The following RIMS4 variants were observed in gnomAD, a reference collection of about 807,000 sequenced individuals.
The protein encoded by RIMS4 is regulating synaptic membrane exocytosis protein 4.
Under a neutral mutation model 29.0 loss-of-function variants are expected in RIMS4, and 9 were observed. The observed-to-expected ratio is 0.31, with a 90% CI of 0.19 to 0.54. RIMS4 has a LOEUF of 0.54. Among genes scored for constraint, RIMS4 ranks in the 20% least tolerant of loss-of-function variants. The pLI, the probability that RIMS4 is intolerant of heterozygous loss-of-function variation, is 0.94. For missense variants in RIMS4, 193 were observed against 365.7 expected (o/e 0.53, Z 3.85); for synonymous variants, 130 against 152.9 (o/e 0.85, Z 1.10).
At chr20:44,775,693 T>C (rs1332433573) in intron 1 of RIMS4, among the ~76,000 whole-genome samples, 5 of 152,162 alleles carry the variant, frequency 3.3e-5, no homozygotes, top group African/African-American at 1.2e-4. Flanking sequence ...GGGCACTTCC[T>C]TCATTACTGC....
At chr20:44,784,308 C>CCAGT (rs1232436534) in intron 1 of RIMS4, among the ~76,000 whole-genome samples, 1 of 152,230 alleles carries the variant, frequency 6.6e-6, no homozygotes, top group African/African-American at 2.4e-5. Flanking sequence ...TTCCTTCCTT[C>CCAGT]CAGTCCCACC....
At chr20:44,768,120 C>A (rs929316365) in intron 2 of RIMS4, among the ~76,000 whole-genome samples, 2 of 152,322 alleles carry the variant, frequency 1.3e-5, no homozygotes, top group Admixed American at 1.3e-4. Context: ...ATCCCTGACA[C>A]CTTGCTGGGA....
At chr20:44,783,925 T>C (rs2057243) in intron 1 of RIMS4, among the ~76,000 whole-genome samples, 15,648 of 152,238 alleles carry the variant, frequency 0.1, 1,206 homozygotes, top group African/African-American at 0.21. Context: ...ATAAATTAAA[T>C]ATTAAAACCC....
At chr20:44,788,401 T>C (rs1282188153) in intron 1 of RIMS4, among the ~76,000 whole-genome samples, 1 of 152,214 alleles carries the variant, frequency 6.6e-6, no homozygotes, top group Non-Finnish European at 1.5e-5. Flanking sequence ...ACTTGGTCTC[T>C]TGACTGCCAA....
chr20:44,799,982 G>A lies in RIMS4; in HGVS notation c.97+10193C>T, dbSNP rs369355602. ...CTCTTGACACCTTCGAGGCAGGATG[G>A]GGCTATGATAAGCCCGTTTTGCGAT... On this transcript the variant is annotated intron_variant, in intron 1 of 5. Transcript: ENST00000372851. 2.2e-4 allele frequency among the ~76,000 whole-genome samples: 34 copies of A among 152,298 alleles called. No individual in the cohort carries two copies. In the South Asian group the frequency reaches 7.0e-3, roughly 32 times the overall value.
At chr20:44,764,215 C>CATTT (rs2066103297) in intron 2 of RIMS4, among the ~76,000 whole-genome samples, 2 of 122,842 alleles carry the variant, frequency 1.6e-5, no homozygotes, top group African/African-American at 8.0e-5. Flanking sequence ...TCCATCCACC[C>CATTT]ATCCATCCAT....
At chr20:44,771,248 C>A in intron 2 of RIMS4, 27 bp downstream of exon 2, 1 of 1,594,070 alleles carries the variant, frequency 6.3e-7, no homozygotes. Context: ...CTGCAAGAAC[C>A]AGGAGGGCTG....
rs866824894 is a variant in RIMS4, at chr20:44,810,510, C to T, written c.-239G>A. 3.4e-3 allele frequency among the ~76,000 whole-genome samples: 465 copies of T among 137,512 alleles called. 1 individual carries two copies. Among genetic ancestry groups the T allele is most frequent in the African/African-American group, 0.012 (441 of 35,606 alleles). The allele number at this position is 137,512 out of a possible 152,430, so 90.2% of individuals were successfully genotyped here. A position where few individuals can be genotyped will look rare whatever the true frequency, so the allele number is the denominator to read the frequency against. ...GTGCTGCTGGCGGCGGCGGCGGCGGCGGCGGTGGCGGCGGCGGTGGCGGCG... is the reference window on the plus strand; with the variant it reads ...GTGCTGCTGGCGGCGGCGGCGGCGGTGGCGGTGGCGGCGGCGGTGGCGGCG... On this transcript the variant is annotated 5_prime_UTR_variant, in exon 1 of 6. Coordinates refer to ENST00000372851, the MANE Select transcript of RIMS4 (RefSeq NM_182970.4).
chr20:44,775,796 C>A (rs2066157701), intron 1 of RIMS4, among the ~76,000 whole-genome samples: 1 of 152,232 alleles, frequency 6.6e-6, no homozygotes, highest in South Asian at 2.1e-4. Context: ...AAAATCTTCA[C>A]ACAGGTGGGC....
chr20:44,762,392 G>GA (rs910135205), intron 2 of RIMS4, among the ~76,000 whole-genome samples: 1 of 152,064 alleles, frequency 6.6e-6, no homozygotes, highest in Non-Finnish European at 1.5e-5. Context: ...GCCATCTAGG[G>GA]GGCCAGCCTC....
chr20:44,759,938 CT>C (rs1474683633), intron 2 of RIMS4, among the ~76,000 whole-genome samples: 1 of 152,194 alleles, frequency 6.6e-6, no homozygotes, highest in Non-Finnish European at 1.5e-5. Context: ...CCTACTACCC[CT>C]GGCTTGCTTT....
At chr20:44,761,322 C>T (rs976644874) in intron 2 of RIMS4, among the ~76,000 whole-genome samples, 9 of 152,188 alleles carry the variant, frequency 5.9e-5, no homozygotes, top group African/African-American at 2.2e-4. Flanking sequence ...TACTGCATGG[C>T]CCCACCCTAT....
In RIMS4 at chr20:44,810,276, G is replaced by T. The variant is rs2145485510; in HGVS notation, c.-5C>A. The T allele has an allele frequency of 4.3e-6, 5 of 1,155,850 alleles. No homozygotes were observed. In the East Asian group the frequency reaches 2.1e-4, roughly 48 times the overall value. 71.6% of individuals were successfully genotyped at this position (1,155,850 alleles called of 1,614,324 possible). A position where few individuals can be genotyped will look rare whatever the true frequency, so the allele number is the denominator to read the frequency against. ...GCGGCTCTGCGAGCGCTCCATGCCC[G>T]CGCCGGCGCCGGGCGCCTCGGCCGC... is the stretch of plus-strand genomic sequence containing the variant. On this transcript the variant is annotated 5_prime_UTR_variant, in exon 1 of 6. Transcript: ENST00000372851.
chr20:44,763,711 T>C (rs2066095893), intron 2 of RIMS4, among the ~76,000 whole-genome samples: 1 of 152,224 alleles, frequency 6.6e-6, no homozygotes, highest in Non-Finnish European at 1.5e-5. Flanking sequence ...ATTGGTCTTT[T>C]ATTATTAACC....
At chr20:44,786,613 C>T (rs755467040) in intron 1 of RIMS4, among the ~76,000 whole-genome samples, 1 of 152,332 alleles carries the variant, frequency 6.6e-6, no homozygotes. Flanking sequence ...CAGCATAATT[C>T]TGTAGTTACA....
chr20:44,772,566 C>T (rs931791952), intron 1 of RIMS4, among the ~76,000 whole-genome samples: 6 of 152,188 alleles, frequency 3.9e-5, no homozygotes, highest in African/African-American at 1.2e-4. Flanking sequence ...GACTTGTCCA[C>T]GCCCATAGAG....
chr20:44,788,585 C>T (rs2066219061), intron 1 of RIMS4, among the ~76,000 whole-genome samples: 1 of 152,070 alleles, frequency 6.6e-6, no homozygotes, highest in Non-Finnish European at 1.5e-5. Context: ...CCAGCCTGGG[C>T]AACATAGCGA....
chr20:44,793,126 G>A (rs1328007042), intron 1 of RIMS4, among the ~76,000 whole-genome samples: 1 of 152,106 alleles, frequency 6.6e-6, no homozygotes, highest in Non-Finnish European at 1.5e-5. Flanking sequence ...TCTGGACCAG[G>A]TCCTCATTAT....
At chr20:44,787,307 C>CGATGAT (rs1451425225) in intron 1 of RIMS4, among the ~76,000 whole-genome samples, 109 of 151,930 alleles carry the variant, frequency 7.2e-4, no homozygotes, top group African/African-American at 2.5e-3. Context: ...GAGATGGTGG[C>CGATGAT]GATGATGATA....
Sources: allele counts gnomAD v4.1 joint callset (sites outside exome capture counted in the v4.1 genomes callset), GRCh38; gene constraint gnomAD v4.1.1; transcripts MANE v1.5; gene names NCBI Gene and HGNC (gene_info 2026-07-23, HGNC 2026-07-21).